The following DLG2 variants were observed in gnomAD, a reference collection of about 807,000 sequenced individuals.
The protein encoded by DLG2 is discs large MAGUK scaffold protein 2, also known as disks large homolog 2.
In DLG2, 45 loss-of-function variants were observed where a neutral mutation model predicts 132.5. That is an observed-to-expected ratio of 0.34 (90% CI 0.27 to 0.44). The LOEUF is 0.44. DLG2 is among the 20% of genes least tolerant of loss of function. DLG2 has a pLI of 1.00. For synonymous variants in DLG2, 424 were observed against 419.6 expected (o/e 1.01, Z -0.13); for missense variants, 1,045 against 1,196.9 (o/e 0.87, Z 1.87).
chr11:84,101,873 G>C (rs937632355), intron 9 of DLG2, among the ~76,000 whole-genome samples: 12 of 152,114 alleles, frequency 7.9e-5, no homozygotes, highest in Admixed American at 3.3e-4. Context: ...GTTTGGAGAG[G>C]GTACTCAAAA....
At chr11:84,635,068 A>G (rs1379055944) in intron 6 of DLG2, among the ~76,000 whole-genome samples, 2 of 152,246 alleles carry the variant, frequency 1.3e-5, no homozygotes, top group African/African-American at 2.4e-5. Context: ...TGAAGAAAAC[A>G]AAGCTTCAGT....
intron 4 of DLG2, among the ~76,000 whole-genome samples, chr11:85,167,057 AAATG>A (rs1444438005): frequency 2.6e-5 from 4 of 152,120 alleles, no homozygotes; most frequent in African/African-American, 9.7e-5. Context: ...TTTTCTTTGG[AAATG>A]AATGTCAGTA....
intron 21 of DLG2, among the ~76,000 whole-genome samples, chr11:83,518,879 C>G (rs1194854772): frequency 6.6e-6 from 1 of 152,108 alleles, no homozygotes; most frequent in African/African-American, 2.4e-5. Flanking sequence ...GGTTTCTCAG[C>G]TCGTAGATTT....
intron 6 of DLG2, among the ~76,000 whole-genome samples, chr11:84,786,473 G>A (rs2072914177): frequency 6.6e-6 from 1 of 152,158 alleles, no homozygotes; most frequent in South Asian, 2.1e-4. Context: ...GCTAAATACA[G>A]CTAGAAAGAA....
chr11:85,239,585 T>C (rs992958146), intron 4 of DLG2, among the ~76,000 whole-genome samples: 4 of 152,062 alleles, frequency 2.6e-5, no homozygotes, highest in African/African-American at 9.7e-5. Context: ...ACTCATGCAG[T>C]GCCACCTGTG....
chr11:84,191,808 G>A (rs2096413300), intron 8 of DLG2, among the ~76,000 whole-genome samples: 1 of 152,212 alleles, frequency 6.6e-6, no homozygotes, highest in East Asian at 1.9e-4. Context: ...GGAGTGGTAG[G>A]GAGAACTGTG....
intron 17 of DLG2, among the ~76,000 whole-genome samples, chr11:83,832,632 AT>A (rs1286875162): frequency 6.6e-6 from 1 of 152,158 alleles, no homozygotes; most frequent in African/African-American, 2.4e-5. Context: ...AAGGGAAATG[AT>A]TGAAAAACTA....
intron 3 of DLG2, among the ~76,000 whole-genome samples, chr11:85,441,063 T>C (rs1198668637): frequency 5.9e-5 from 9 of 152,324 alleles, no homozygotes; most frequent in Non-Finnish European, 1.3e-4. Flanking sequence ...CTGTGTAACT[T>C]GTATTAAAAC....
chr11:84,118,759 T>C (rs937032895), intron 9 of DLG2, among the ~76,000 whole-genome samples: 2 of 152,328 alleles, frequency 1.3e-5, no homozygotes, highest in African/African-American at 4.8e-5. Flanking sequence ...AAATTCATTT[T>C]TATGATTCTG....
At chr11:83,863,663 T>C (rs146108957) in intron 16 of DLG2, among the ~76,000 whole-genome samples, 1 of 151,650 alleles carries the variant, frequency 6.6e-6, no homozygotes, top group African/African-American at 2.4e-5. Flanking sequence ...AAAAATAAAC[T>C]GTCAAAAAAA....
intron 6 of DLG2, among the ~76,000 whole-genome samples, chr11:84,878,082 G>T (rs2086679349): frequency 6.6e-6 from 1 of 152,172 alleles, no homozygotes; most frequent in South Asian, 2.1e-4. Flanking sequence ...GAGAGTATGT[G>T]AAGAAATAGG....
At chr11:84,749,716 T>C (rs1490587776) in intron 6 of DLG2, among the ~76,000 whole-genome samples, 2 of 152,152 alleles carry the variant, frequency 1.3e-5, no homozygotes, top group Non-Finnish European at 2.9e-5. Flanking sequence ...TTTTGTACAA[T>C]TTCTATTTTA....
intron 4 of DLG2, among the ~76,000 whole-genome samples, chr11:85,254,998 CAA>C (rs200546899): frequency 5.7e-4 from 50 of 87,720 alleles, no homozygotes; most frequent in Middle Eastern, 8.2e-3. Context: ...GACTCCATCT[CAA>C]AAAAAAAAAA....
intron 6 of DLG2, among the ~76,000 whole-genome samples, chr11:84,910,162 T>C (rs981981488): frequency 7.2e-5 from 11 of 152,196 alleles, no homozygotes; most frequent in Non-Finnish European, 1.3e-4. Flanking sequence ...ACTGAGTGAT[T>C]AAAGATCAAC....
chr11:84,573,225 A>AT (rs1371819449), intron 6 of DLG2, among the ~76,000 whole-genome samples: 2 of 151,986 alleles, frequency 1.3e-5, no homozygotes, highest in Non-Finnish European at 2.9e-5. Flanking sequence ...AGCTAAGTAA[A>AT]TTTTTTTCAT....
intron 6 of DLG2, among the ~76,000 whole-genome samples, chr11:84,574,572 A>G (rs2099494484): frequency 6.6e-6 from 1 of 152,138 alleles, no homozygotes; most frequent in Admixed American, 6.6e-5. Flanking sequence ...CTGTGCTTTG[A>G]ATGTTGTCTA....
chr11:84,889,552 A>G (rs2088958478), intron 6 of DLG2, among the ~76,000 whole-genome samples: 1 of 152,130 alleles, frequency 6.6e-6, no homozygotes, highest in Admixed American at 6.6e-5. Flanking sequence ...GACAAAAGTG[A>G]AATGTTCAGC....
intron 11 of DLG2, among the ~76,000 whole-genome samples, chr11:84,007,298 T>C (rs1248545140): frequency 6.6e-6 from 1 of 151,740 alleles, no homozygotes; most frequent in Non-Finnish European, 1.5e-5. Context: ...AGAAGGTGTC[T>C]GAAACCACTG....
chr11:84,167,091 A>G, intron 8 of DLG2: 2 of 497,904 alleles, frequency 4.0e-6, no homozygotes, highest in South Asian at 3.0e-5. Context: ...GAGGATTGAC[A>G]TTTTCATAGA....
Sources: gnomAD v4.1 joint callset for allele counts (sites outside exome capture counted in the v4.1 genomes callset) on GRCh38, gnomAD v4.1.1 for gene constraint, MANE v1.5 for transcripts, NCBI Gene and HGNC (gene_info 2026-07-23, HGNC 2026-07-21) for gene names.